The following RFX2 variants were observed in gnomAD, a reference collection of about 807,000 sequenced individuals.
RFX2 encodes regulatory factor X2.
A neutral mutation model predicts 87.8 loss-of-function variants in RFX2; 20 were observed. The ratio of observed to expected loss-of-function variants is 0.23; its 90% CI spans 0.16 to 0.33. The LOEUF (loss-of-function observed/expected upper bound fraction) is 0.33. RFX2 is among the 10% of genes least tolerant of loss of function. RFX2 has a pLI of 1.00. For missense variants in RFX2, 767 were observed against 1,012.3 expected, an observed-to-expected ratio of 0.76 and a Z score of 3.29; for synonymous variants, 397 against 431.3, an observed-to-expected ratio of 0.92 and a Z score of 0.98.
At chr19:6,035,616 C>T (rs1054045428) in intron 5 of RFX2, among the ~76,000 whole-genome samples, 13 of 152,092 alleles carry the variant, frequency 8.5e-5, no homozygotes, top group Middle Eastern at 3.2e-3. Flanking sequence ...TCCCGAGAAA[C>T]AAAACTCTGA....
At chr19:6,085,563 G>A (rs1054299738) in intron 1 of RFX2, among the ~76,000 whole-genome samples, 1 of 152,126 alleles carries the variant, frequency 6.6e-6, no homozygotes, top group Non-Finnish European at 1.5e-5. Context: ...TCCTTGGGTT[G>A]TCTTTTTACT....
intron 1 of RFX2, among the ~76,000 whole-genome samples, chr19:6,089,228 G>C (rs2087898531): frequency 6.6e-6 from 1 of 152,164 alleles, no homozygotes; most frequent in Non-Finnish European, 1.5e-5. Context: ...CCCATGTAAT[G>C]ACAAATAACC....
intron 13 of RFX2, among the ~76,000 whole-genome samples, chr19:6,003,099 G>A (rs1009906732): frequency 1.3e-5 from 2 of 152,176 alleles, no homozygotes; most frequent in Non-Finnish European, 2.9e-5. Flanking sequence ...TGAGGCCTGC[G>A]TGCTGCTGAG....
chr19:6,089,688 C>A (rs942328866), intron 1 of RFX2, among the ~76,000 whole-genome samples: 4 of 152,192 alleles, frequency 2.6e-5, no homozygotes, highest in Non-Finnish European at 1.5e-5. Context: ...TCTGCCAGTG[C>A]CTTGATCTTG....
At position 6,003,778 on chromosome 19, in the gene RFX2, C is replaced by CAAAAAAAA. The variant is rs57470328; in HGVS notation, c.1500+415_1500+422dup. ...TGGGCGACAGAGTGAGACTCTGTCTCAAAAAAAAAAAAAAAAAAAAAAAAA... is the reference window on the plus strand; with the variant it reads ...TGGGCGACAGAGTGAGACTCTGTCTCAAAAAAAAAAAAAAAAAAAAAAAAAAAAAAAAA... On this transcript the variant is annotated intron_variant, in intron 13 of 17. Coordinates refer to ENST00000303657, the MANE Select transcript of RFX2 (RefSeq NM_000635.4). 1.7e-3 allele frequency among the ~76,000 whole-genome samples: 72 copies of CAAAAAAAA among 41,998 alleles called. 1 individual carries two copies. Among genetic ancestry groups the CAAAAAAAA allele is most frequent in the African/African-American group, 4.8e-3 (65 of 13,584 alleles). The allele number at this position is 41,998 out of a possible 152,430, so 27.6% of individuals were successfully genotyped here.
At chr19:6,029,268 A>G (rs2086926796) in intron 5 of RFX2, among the ~76,000 whole-genome samples, 2 of 152,062 alleles carry the variant, frequency 1.3e-5, no homozygotes, top group Admixed American at 6.5e-5. Context: ...AAAAAAAAAA[A>G]AGAAAGTATG....
In RFX2 at chr19:6,064,650, G is replaced by T. The variant is rs2087484614; in HGVS notation, c.-8-17146C>A. On this transcript the variant is annotated intron_variant, in intron 1 of 17. Coordinates refer to ENST00000303657, the MANE Select transcript of RFX2 (RefSeq NM_000635.4). The surrounding 1 kb of genome is among the most constrained non-coding windows in gnomAD (Gnocchi z 4.8). ...GGGGATGGGGTCTCGTCCTGCCTGT[G>T]TGACCCTTCCTCCTGACAGCCATCT... Among the ~76,000 whole-genome samples the T allele has an allele frequency of 6.6e-6, 1 of 152,228 alleles. No homozygotes were observed.
intron 12 of RFX2, 119 bp downstream of exon 12, chr19:6,006,893 C>A: frequency 8.0e-7 from 1 of 1,247,234 alleles, no homozygotes; most frequent in South Asian, 1.4e-5. Flanking sequence ...CGCCCGGCCA[C>A]TTTTGGGTTT....
In RFX2 at chr19:6,083,263, A is replaced by T. The variant is rs1031669317; in HGVS notation, c.-9+27130T>A. Among the ~76,000 whole-genome samples the T allele has an allele frequency of 1.1e-4, 16 of 152,264 alleles. No homozygotes were observed. The highest frequency in any genetic ancestry group is 9.2e-4 in the Admixed American group (14 of 15,292). On this transcript the variant is annotated intron_variant, in intron 1 of 17. Transcript: ENST00000303657. This position sits in a 1 kb window ranked among gnomAD's most constrained non-coding sequence, Gnocchi z 4.6. ...ATTTTTTAAAATACTGCATTAAAACATTGTGTATCTTGATGACTGTGGATT... is the reference window on the plus strand; with the variant it reads ...ATTTTTTAAAATACTGCATTAAAACTTTGTGTATCTTGATGACTGTGGATT...
intron 1 of RFX2, among the ~76,000 whole-genome samples, chr19:6,058,199 G>A (rs2087374042): frequency 6.6e-6 from 1 of 152,190 alleles, no homozygotes; most frequent in Non-Finnish European, 1.5e-5. Context: ...CCTGAGCACT[G>A]CAGGGTGCTG....
chr19:6,056,876 G>A lies in RFX2; in HGVS notation c.-8-9372C>T, dbSNP rs1206213030. On this transcript the variant is annotated intron_variant, in intron 1 of 17. Coordinates refer to ENST00000303657, the MANE Select transcript of RFX2 (RefSeq NM_000635.4). This position sits in a 1 kb window ranked among gnomAD's most constrained non-coding sequence, Gnocchi z 4.6. ...AGCCTCGGAACAGCCAATATAAAGGGGAGGGGCCGCAACACGACCTGTCAC... is the reference window on the plus strand; with the variant it reads ...AGCCTCGGAACAGCCAATATAAAGGAGAGGGGCCGCAACACGACCTGTCAC... Among the ~76,000 whole-genome samples, 1 of 152,172 alleles carries A rather than the reference G, an allele frequency of 6.6e-6. No individual in the cohort carries two copies. The highest frequency in any genetic ancestry group is 1.5e-5 in the Non-Finnish European group (1 of 68,036).
intron 1 of RFX2, among the ~76,000 whole-genome samples, chr19:6,059,986 C>G (rs1195610998): frequency 1.3e-5 from 2 of 152,174 alleles, no homozygotes; most frequent in African/African-American, 4.8e-5. Flanking sequence ...GTTCACACAT[C>G]CACACACATG....
chr19:5,995,579 G>A (rs377058340), intron 17 of RFX2, 22 bp downstream of exon 17: 137 of 1,551,334 alleles, frequency 8.8e-5, no homozygotes, highest in Non-Finnish European at 1.1e-4. Context: ...GGTCGTGGTG[G>A]GAAAGCCGCA....
At chr19:6,058,352 G>A (rs1270321480) in intron 1 of RFX2, among the ~76,000 whole-genome samples, 3 of 152,214 alleles carry the variant, frequency 2.0e-5, no homozygotes, top group African/African-American at 7.2e-5. Flanking sequence ...CTAAGAAGGG[G>A]TCTGGACAAA....
intron 5 of RFX2, among the ~76,000 whole-genome samples, chr19:6,029,264 A>C (rs1599866272): frequency 6.6e-6 from 1 of 152,142 alleles, no homozygotes. Context: ...CGCAAAAAAA[A>C]AAAAAGAAAG....
At chr19:6,046,342 A>T (rs1249498554) in intron 2 of RFX2, among the ~76,000 whole-genome samples, 1 of 152,118 alleles carries the variant, frequency 6.6e-6, no homozygotes, top group Non-Finnish European at 1.5e-5. Flanking sequence ...GCACTTTGGG[A>T]GGCTGAGGCG....
rs143408276 is a variant in RFX2, at chr19:6,096,728, A to G, written c.-9+13665T>C. ...CCCAAAGTGCTGGGATTACAGGCGT[A>G]AGGCACTGCACCTGGCCTCGTTTCT... On this transcript the variant is annotated intron_variant, in intron 1 of 17. Coordinates refer to ENST00000303657, the MANE Select transcript of RFX2 (RefSeq NM_000635.4). Among the ~76,000 whole-genome samples, 699 of 152,268 alleles carry G rather than the reference A, an allele frequency of 4.6e-3. 10 individuals are homozygous for G. The highest frequency in any genetic ancestry group is 0.016 in the African/African-American group (659 of 41,550).
chr19:6,029,241 A>C (rs868513599), intron 5 of RFX2, among the ~76,000 whole-genome samples: 3 of 152,040 alleles, frequency 2.0e-5, no homozygotes, highest in Non-Finnish European at 4.4e-5. Context: ...TTTTCCACAA[A>C]AATTATGAGG....
intron 1 of RFX2, among the ~76,000 whole-genome samples, chr19:6,076,065 C>T (rs941115165): frequency 3.3e-5 from 5 of 152,084 alleles, no homozygotes; most frequent in East Asian, 1.9e-4. Flanking sequence ...AGGTTGGGGG[C>T]GGTGGCTCAT....
Sources: allele counts gnomAD v4.1 joint callset (sites outside exome capture counted in the v4.1 genomes callset), GRCh38; gene constraint gnomAD v4.1.1; non-coding constraint Gnocchi (gnomAD v3.1); transcripts MANE v1.5; gene names NCBI Gene and HGNC (gene_info 2026-07-23, HGNC 2026-07-21).